Variants in CAMTA1 observed in about 807,000 individuals in gnomAD.
CAMTA1 encodes the protein calmodulin binding transcription activator 1.
In CAMTA1, 27 loss-of-function variants were observed where a neutral mutation model predicts 170.9. The ratio of observed to expected loss-of-function variants is 0.16; its 90% CI spans 0.12 to 0.22. The LOEUF (loss-of-function observed/expected upper bound fraction) is 0.22, where lower values mean the gene tolerates loss of function less well. CAMTA1 is among the 10% of genes least tolerant of loss of function. The probability of loss-of-function intolerance (pLI) is 1.00; values close to 1 mark genes in which losing one functional copy is unlikely to be tolerated. For synonymous variants in CAMTA1, 833 were observed against 891.5 expected (o/e 0.93, Z 1.17); for missense variants, 1,619 against 2,217.2 (o/e 0.73, Z 5.42).
At chr1:7,640,260 G>A in intron 6 of CAMTA1, 140 bp from the exon 7 acceptor site, 1 of 863,538 alleles carries the variant, frequency 1.2e-6, no homozygotes, top group Non-Finnish European at 1.8e-6. Flanking sequence ...CCATCTGGCT[G>A]CAACCGTCAG....
At chr1:6,909,403 C>T (rs1571616266) in intron 3 of CAMTA1, among the ~76,000 whole-genome samples, 1 of 152,200 alleles carries the variant, frequency 6.6e-6, no homozygotes, top group Non-Finnish European at 1.5e-5. Flanking sequence ...TCTGGCATCA[C>T]GAGGGAGGTT....
At chr1:7,527,746 C>A (rs2094446418) in intron 6 of CAMTA1, among the ~76,000 whole-genome samples, 1 of 152,224 alleles carries the variant, frequency 6.6e-6, no homozygotes, top group Non-Finnish European at 1.5e-5. Context: ...GGTCTAGTTT[C>A]ATGCCCCCAA....
rs572866873 is a variant in CAMTA1 at position 7,064,052 on chromosome 1, G to A, written c.235-27252G>A. ...GTGGCTGCCTTCTCATATGGTGGGA[G>A]CCTTTGCCTTCACCTTCTCCTCCTC... On this transcript the variant is annotated intron_variant, in intron 3 of 22. Transcript: ENST00000303635. The surrounding 1 kb of genome is among the most constrained non-coding windows in gnomAD (Gnocchi z 5.4). Among the ~76,000 whole-genome samples the A allele has an allele frequency of 4.6e-5, 7 of 152,172 alleles. No homozygotes were observed. The South Asian group carries it at 1.5e-3, about 32-fold the overall frequency.
chr1:7,175,439 C>T (rs1269113472), intron 4 of CAMTA1, among the ~76,000 whole-genome samples: 3 of 152,230 alleles, frequency 2.0e-5, no homozygotes, highest in African/African-American at 4.8e-5. Flanking sequence ...GTTGGCCACA[C>T]GCTCGCATGA....
chr1:7,712,572 G>A (rs568561686), intron 11 of CAMTA1, among the ~76,000 whole-genome samples: 6 of 152,208 alleles, frequency 3.9e-5, no homozygotes, highest in East Asian at 1.9e-4. Flanking sequence ...CACCTGCCTC[G>A]CCTCCCCAAG....
chr1:6,809,355 G>A (rs1044810593), intron 1 of CAMTA1, among the ~76,000 whole-genome samples: 8 of 152,124 alleles, frequency 5.3e-5, no homozygotes, highest in African/African-American at 1.7e-4. Flanking sequence ...GCGTCATTGG[G>A]TAGCTTTAGA....
At chr1:7,649,825 G>A (rs547681885) in intron 7 of CAMTA1, among the ~76,000 whole-genome samples, 5 of 152,320 alleles carry the variant, frequency 3.3e-5, no homozygotes, top group South Asian at 2.1e-4. Flanking sequence ...CCCCACCGAC[G>A]TCCTGGGCCC....
intron 1 of CAMTA1, among the ~76,000 whole-genome samples, chr1:6,813,018 A>G (rs1645368366): frequency 6.6e-6 from 1 of 152,174 alleles, no homozygotes; most frequent in Admixed American, 6.5e-5. Flanking sequence ...TCGGCTACCT[A>G]CCAGACTTTT....
rs577775692 is a variant in CAMTA1 at position 7,583,110 on chromosome 1, G to A, written c.511-57290G>A. 6.4e-4 allele frequency among the ~76,000 whole-genome samples: 98 copies of A among 152,196 alleles called. 1 individual carries two copies. Among genetic ancestry groups the A allele is most frequent in the South Asian group, 1.9e-3 (9 of 4,814 alleles). ...GGGCACATCCCAGTGGTGAGGCAGC[G>A]CCCTGTCTTTATCAGCAGGGAGCAG... is the stretch of plus-strand genomic sequence containing the variant. On this transcript the variant is annotated intron_variant, in intron 6 of 22. Coordinates refer to ENST00000303635, the MANE Select transcript of CAMTA1 (RefSeq NM_015215.4).
chr1:7,335,616 C>CT (rs1230725640), intron 5 of CAMTA1, among the ~76,000 whole-genome samples: 1 of 152,172 alleles, frequency 6.6e-6, no homozygotes, highest in East Asian at 1.9e-4. Flanking sequence ...CCAGGCAGGG[C>CT]TTTCACACAG....
chr1:7,704,587 C>G (rs1198647207), intron 11 of CAMTA1, among the ~76,000 whole-genome samples: 2 of 148,774 alleles, frequency 1.3e-5, no homozygotes, highest in African/African-American at 2.4e-5. Context: ...CTCCGCGCCC[C>G]GCACCAGCCT....
Position 7,369,379 on chromosome 1 carries a change from C to A in CAMTA1, c.439-98451C>A, listed in dbSNP as rs1288958778. On this transcript the variant is annotated intron_variant, in intron 5 of 22. Coordinates refer to ENST00000303635, the MANE Select transcript of CAMTA1 (RefSeq NM_015215.4). ...TTTGAGGGGGTCATTCACAAGCATACCCTCGCTTCTGACACTAAGTGTAAA... is the reference window on the plus strand; with the variant it reads ...TTTGAGGGGGTCATTCACAAGCATAACCTCGCTTCTGACACTAAGTGTAAA... 4.6e-5 allele frequency among the ~76,000 whole-genome samples: 7 copies of A among 152,266 alleles called. No homozygotes were observed. In the East Asian group the frequency reaches 1.4e-3, roughly 29 times the overall value.
intron 4 of CAMTA1, among the ~76,000 whole-genome samples, chr1:7,136,702 C>G (rs1441381679): frequency 6.6e-6 from 1 of 152,150 alleles, no homozygotes; most frequent in Non-Finnish European, 1.5e-5. Flanking sequence ...TTAAGGCTGC[C>G]AAGTGCAATA....
intron 3 of CAMTA1, among the ~76,000 whole-genome samples, chr1:6,839,469 G>A (rs1237845280): frequency 6.6e-6 from 1 of 152,188 alleles, no homozygotes; most frequent in Admixed American, 6.5e-5. Context: ...ATTTTTGAGG[G>A]CCTACTATGT....
At chr1:6,926,440 CTTTCTTTCTTTCTT>C (rs1557837670) in intron 3 of CAMTA1, among the ~76,000 whole-genome samples, 1 of 31,446 alleles carries the variant, frequency 3.2e-5, no homozygotes, top group African/African-American at 2.0e-4. Flanking sequence ...TTTCTTTTCT[CTTTCTTTCTTTCTT>C]TCTTTCTTTC....
At chr1:7,258,745 T>A (rs565138687) in intron 5 of CAMTA1, among the ~76,000 whole-genome samples, 10 of 152,344 alleles carry the variant, frequency 6.6e-5, no homozygotes, top group Admixed American at 2.6e-4. Context: ...CTTTCATTGC[T>A]GGGGAACGTT....
At chr1:7,390,926 C>T (rs1046840425) in intron 5 of CAMTA1, among the ~76,000 whole-genome samples, 22 of 152,340 alleles carry the variant, frequency 1.4e-4, no homozygotes, top group Admixed American at 9.8e-4. Context: ...GCCTCGCCTC[C>T]GTTGGAGTGG....
intron 5 of CAMTA1, chr1:7,370,370 A>G (rs1011356943): frequency 6.6e-6 from 1 of 152,246 alleles, no homozygotes; most frequent in African/African-American, 2.4e-5. Context: ...AACCCCAACT[A>G]TGCTCTGTGT....
At chr1:7,280,211 C>CA (rs1671313096) in intron 5 of CAMTA1, among the ~76,000 whole-genome samples, 1 of 152,268 alleles carries the variant, frequency 6.6e-6, no homozygotes, top group African/African-American at 2.4e-5. Flanking sequence ...CCTGGCCTCA[C>CA]ACTCATTTCC....
Sources: gnomAD v4.1 joint callset for allele counts (sites outside exome capture counted in the v4.1 genomes callset) on GRCh38, gnomAD v4.1.1 for gene constraint, Gnocchi (gnomAD v3.1) non-coding constraint, MANE v1.5 for transcripts, NCBI Gene and HGNC (gene_info 2026-07-23, HGNC 2026-07-21) for gene names.